Variants in FHOD3 observed in about 807,000 individuals in gnomAD.
FHOD3 encodes FH1/FH2 domain-containing protein 3.
In FHOD3, 90 loss-of-function variants were observed where a neutral mutation model predicts 173.0. The ratio of observed to expected loss-of-function variants is 0.52; its 90% CI spans 0.44 to 0.62. The LOEUF is 0.62. FHOD3 is among the 20% of genes least tolerant of loss of function. The pLI, the probability that FHOD3 is intolerant of heterozygous loss-of-function variation, is 0.00. For missense variants in FHOD3, 1,945 were observed against 2,034.7 expected (o/e 0.96, Z 0.85); for synonymous variants, 828 against 823.0 (o/e 1.01, Z -0.10).
At chr18:36,305,068 A>G (rs747786502) in intron 1 of FHOD3, among the ~76,000 whole-genome samples, 36 of 152,298 alleles carry the variant, frequency 2.4e-4, no homozygotes, top group African/African-American at 5.8e-4. Context: ...TTGATTTTCT[A>G]TGGGCAGATA....
intron 5 of FHOD3, among the ~76,000 whole-genome samples, chr18:36,522,330 A>C (rs181621780): frequency 6.6e-6 from 1 of 152,340 alleles, no homozygotes; most frequent in Admixed American, 6.5e-5. Context: ...GAATTTGCTT[A>C]TTTGAAGCTT....
At chr18:36,466,565 C>G (rs2052954954) in intron 3 of FHOD3, among the ~76,000 whole-genome samples, 1 of 152,122 alleles carries the variant, frequency 6.6e-6, no homozygotes, top group Non-Finnish European at 1.5e-5. Flanking sequence ...GCTTATAGAT[C>G]ATTGGTAGAT....
intron 9 of FHOD3, among the ~76,000 whole-genome samples, chr18:36,619,944 G>T (rs966298905): frequency 6.6e-6 from 1 of 152,276 alleles, no homozygotes; most frequent in South Asian, 2.1e-4. Context: ...GTGGCTACAG[G>T]GGTAGGGCCT....
At chr18:36,382,635 G>A (rs776683183) in intron 3 of FHOD3, among the ~76,000 whole-genome samples, 2 of 152,214 alleles carry the variant, frequency 1.3e-5, no homozygotes, top group Non-Finnish European at 2.9e-5. Flanking sequence ...GTCTACTGTG[G>A]AACTGGAGTG....
intron 3 of FHOD3, among the ~76,000 whole-genome samples, chr18:36,464,312 C>T (rs112483324): frequency 0.019 from 2,907 of 152,298 alleles, 50 homozygotes; most frequent in Non-Finnish European, 0.027. Flanking sequence ...TCATTAGTAA[C>T]GTTTGAGCAG....
chr18:36,688,213 T>C (rs1432434332), intron 16 of FHOD3, among the ~76,000 whole-genome samples: 3 of 152,226 alleles, frequency 2.0e-5, no homozygotes, highest in Non-Finnish European at 4.4e-5. Context: ...TTGTCCCCTC[T>C]ACCACCAGGT....
At chr18:36,710,424 T>C (rs1206521684) in intron 18 of FHOD3, 1 of 152,226 alleles carries the variant, frequency 6.6e-6, no homozygotes, top group Non-Finnish European at 1.5e-5. Context: ...CCATGACCCA[T>C]GAATGGCTTA....
At chr18:36,634,586 A>G (rs2034745243) in intron 10 of FHOD3, among the ~76,000 whole-genome samples, 2 of 152,158 alleles carry the variant, frequency 1.3e-5, no homozygotes, top group Non-Finnish European at 2.9e-5. Context: ...ACGTTAATCT[A>G]CAAAATCTGC....
At chr18:36,339,916 G>A (rs150842640) in intron 1 of FHOD3, among the ~76,000 whole-genome samples, 1 of 152,266 alleles carries the variant, frequency 6.6e-6, no homozygotes, top group Non-Finnish European at 1.5e-5. Context: ...TTATGTAGCT[G>A]GTCTGAGTGA....
At chr18:36,597,338 C>A (rs1284728579) in intron 7 of FHOD3, among the ~76,000 whole-genome samples, 1 of 152,136 alleles carries the variant, frequency 6.6e-6, no homozygotes, top group Non-Finnish European at 1.5e-5. Context: ...AAACAATGGC[C>A]ATCTTTTCCT....
intron 8 of FHOD3, among the ~76,000 whole-genome samples, chr18:36,610,208 G>A (rs77458306): frequency 0.014 from 2,166 of 152,338 alleles, 58 homozygotes; most frequent in African/African-American, 0.05. Context: ...TCCTCAGGCT[G>A]TGCATTTTGC....
At chr18:36,568,789 A>T (rs1013103963) in intron 5 of FHOD3, among the ~76,000 whole-genome samples, 1 of 152,226 alleles carries the variant, frequency 6.6e-6, no homozygotes, top group African/African-American at 2.4e-5. Context: ...ACATTATTTT[A>T]AAAATATCCA....
intron 3 of FHOD3, among the ~76,000 whole-genome samples, chr18:36,444,247 G>A (rs2051335590): frequency 6.7e-6 from 1 of 149,282 alleles, no homozygotes; most frequent in South Asian, 2.1e-4. Flanking sequence ...GAGCCTTCCA[G>A]TATCTAGCCA....
intron 3 of FHOD3, among the ~76,000 whole-genome samples, chr18:36,420,594 C>T (rs968381074): frequency 1.5e-4 from 23 of 152,164 alleles, no homozygotes; most frequent in Admixed American, 2.0e-4. Flanking sequence ...TAACAACCAG[C>T]CCTTAGATGA....
chr18:36,740,789 CACG>C lies in FHOD3; in HGVS notation c.3713_3715del (p.Arg1238del). On this transcript the variant is annotated inframe_deletion, in exon 21 of 29. Coordinates refer to ENST00000590592, the MANE Select transcript of FHOD3 (RefSeq NM_001281740.3). ...CTGTCCTCCATCAGCGAGCTCTCTG[CACG>C]ACTTCACCTCTGGGCATTCAAAATG... 1 of 1,614,116 alleles carries C rather than the reference CACG, an allele frequency of 6.2e-7. No homozygotes were observed. Among genetic ancestry groups the C allele is most frequent in the Non-Finnish European group, 8.5e-7 (1 of 1,180,024 alleles).
At chr18:36,322,568 T>C (rs2044453780) in intron 1 of FHOD3, among the ~76,000 whole-genome samples, 1 of 152,030 alleles carries the variant, frequency 6.6e-6, no homozygotes, top group South Asian at 2.1e-4. Flanking sequence ...CCATGGGGGA[T>C]TGGTGGGCAC....
At chr18:36,669,371 T>C (rs1165931291) in intron 14 of FHOD3, among the ~76,000 whole-genome samples, 1 of 151,988 alleles carries the variant, frequency 6.6e-6, no homozygotes, top group Non-Finnish European at 1.5e-5. Context: ...TGAATCTTTT[T>C]TTTAATCCAG....
intron 16 of FHOD3, among the ~76,000 whole-genome samples, chr18:36,687,527 A>G (rs1443593114): frequency 6.6e-6 from 1 of 152,180 alleles, no homozygotes; most frequent in East Asian, 1.9e-4. Context: ...CTCCTTCAAG[A>G]AATATTTTAG....
chr18:36,629,081 G>A (rs2848909), intron 10 of FHOD3, among the ~76,000 whole-genome samples: 151,643 of 152,374 alleles, frequency 1, 75,463 homozygotes, highest in East Asian at 1. Flanking sequence ...TTTAATATAC[G>A]TGGAAGAGTG....
Sources: gnomAD v4.1 joint callset for allele counts (sites outside exome capture counted in the v4.1 genomes callset) on GRCh38, gnomAD v4.1.1 for gene constraint, MANE v1.5 for transcripts, NCBI Gene and HGNC (gene_info 2026-07-23, HGNC 2026-07-21) for gene names.